The following PHF21B variants were observed in gnomAD, a reference collection of about 807,000 sequenced individuals.
The protein encoded by PHF21B is PHD finger protein 4.
A neutral mutation model predicts 62.2 loss-of-function variants in PHF21B; 22 were observed. The observed-to-expected ratio is 0.35, with a 90% CI of 0.25 to 0.51. The LOEUF is 0.51. Ranked by LOEUF, PHF21B falls within the 20% of genes least tolerant of loss-of-function variation. The pLI is 0.97. For synonymous variants in PHF21B, 341 were observed against 314.7 expected (o/e 1.08, Z -0.88); for missense variants, 701 against 707.9 (o/e 0.99, Z 0.11).
chr22:44,957,020 G>A (rs2072312600), intron 2 of PHF21B, among the ~76,000 whole-genome samples: 1 of 152,130 alleles, frequency 6.6e-6, no homozygotes, highest in South Asian at 2.1e-4. Flanking sequence ...CCCTCCTGCT[G>A]GTGGTGGGAG....
chr22:44,897,927 G>C (rs535809956), intron 5 of PHF21B, among the ~76,000 whole-genome samples: 2 of 152,218 alleles, frequency 1.3e-5, no homozygotes, highest in Admixed American at 6.5e-5. Context: ...TCCTGCCTCA[G>C]CCTCCCAAGT....
Position 44,916,433 on chromosome 22 carries a change from G to T in PHF21B, c.411C>A (p.Ala137=). 1 of 1,597,782 alleles carries T rather than the reference G, an allele frequency of 6.3e-7. No homozygotes were observed. The change falls in exon 4 of 13, where the codon GCC becomes GCA. Residue 137 remains alanine (A), a synonymous_variant. Coordinates refer to ENST00000313237, the MANE Select transcript of PHF21B (RefSeq NM_138415.5). ...GSQPQALAEP[A]ALASPLSSAG... is the part of the protein sequence containing the mutation. ...CACTGCTCAGCGGAGAGGCGAGGGC[G>T]GCGGGCTCGGCGAGGGCCTGGGGCT...
intron 2 of PHF21B, among the ~76,000 whole-genome samples, chr22:44,958,122 C>T (rs1436522535): frequency 6.6e-6 from 1 of 152,118 alleles, no homozygotes; most frequent in African/African-American, 2.4e-5. Context: ...AGGCTGGTCT[C>T]GAACTCCCGA....
At chr22:44,911,228 A>C (rs2071338628) in intron 5 of PHF21B, among the ~76,000 whole-genome samples, 1 of 152,230 alleles carries the variant, frequency 6.6e-6, no homozygotes, top group Non-Finnish European at 1.5e-5. Flanking sequence ...AAAAGTTCAG[A>C]AAATGTGCAG....
chr22:44,893,347 C>G, intron 7 of PHF21B, 110 bp downstream of exon 7: 1 of 1,019,856 alleles, frequency 9.8e-7, no homozygotes, highest in South Asian at 1.5e-5. Context: ...GAGGGACAGA[C>G]GAGGGGGGTG....
chr22:44,901,860 G>T, intron 5 of PHF21B: 1 of 263,422 alleles, frequency 3.8e-6, no homozygotes, highest in East Asian at 8.0e-5. Context: ...GTTACAAACA[G>T]TTGGTGGTGA....
chr22:44,885,338 G>A (rs2070837290), intron 12 of PHF21B, 88 bp downstream of exon 12: 5 of 1,266,770 alleles, frequency 3.9e-6, no homozygotes, highest in African/African-American at 1.5e-5. Context: ...ATCTACACCT[G>A]TGGTTCTAAG....
chr22:44,992,349 A>G (rs962497077), intron 2 of PHF21B, among the ~76,000 whole-genome samples: 1 of 152,226 alleles, frequency 6.6e-6, no homozygotes, highest in Non-Finnish European at 1.5e-5. Context: ...GCCGCACCGC[A>G]GCGTGGACGC....
In PHF21B at chr22:44,883,280, G is replaced by T. The variant is rs1255626917; in HGVS notation, c.1402C>A (p.Leu468Met). 6.2e-7 allele frequency: 1 copy of T among 1,613,834 alleles called. No individual in the cohort carries two copies. ...TGGGTGCCCCTCTGGCGGGCCAGCA[G>T]GCTTGTCTTCAACTCCAGGCATTTC... The part of the protein sequence containing the change: ...VQKCLELKTS[L>M]LARQRGTQSS... The change falls in exon 13 of 13, where the codon CTG becomes ATG. Residue 468 changes from leucine to methionine, a missense_variant. Coordinates refer to ENST00000313237, the MANE Select transcript of PHF21B (RefSeq NM_138415.5).
At chr22:44,980,538 G>C (rs980313198) in intron 2 of PHF21B, among the ~76,000 whole-genome samples, 1 of 152,164 alleles carries the variant, frequency 6.6e-6, no homozygotes, top group Non-Finnish European at 1.5e-5. Flanking sequence ...CAGTGAAGGG[G>C]GTCTGGAGGA....
chr22:44,883,245 C>T lies in PHF21B; in HGVS notation c.1437G>A (p.Leu479=). The change falls in exon 13 of 13, where the codon CTG becomes CTA. Residue 479 remains leucine, a synonymous_variant. Coordinates refer to ENST00000313237, the MANE Select transcript of PHF21B (RefSeq NM_138415.5). ...LARQRGTQSS[L]DRLRALLRLI... The stretch of plus-strand genomic sequence containing the variant: ...GTCTCAGGAGGGCCCGCAGGCGGTC[C>T]AGGGATGACTGGGTGCCCCTCTGGC... 5.6e-6 allele frequency: 9 copies of T among 1,613,972 alleles called. No individual in the cohort carries two copies. Among genetic ancestry groups the T allele is most frequent in the Non-Finnish European group, 7.6e-6 (9 of 1,179,982 alleles).
chr22:44,930,504 G>A (rs1348773927), intron 2 of PHF21B, among the ~76,000 whole-genome samples: 4 of 151,208 alleles, frequency 2.6e-5, no homozygotes, highest in South Asian at 2.1e-4. Context: ...AAGCTGGACC[G>A]GAATGTTACC....
chr22:45,003,247 C>T (rs895189583), intron 2 of PHF21B: 4 of 152,356 alleles, frequency 2.6e-5, no homozygotes, highest in Non-Finnish European at 4.4e-5. Flanking sequence ...CACACCATCA[C>T]TGCCCTGGGA....
intron 2 of PHF21B, chr22:44,971,244 T>C (rs927783419): frequency 6.6e-6 from 1 of 152,250 alleles, no homozygotes; most frequent in East Asian, 1.9e-4. Flanking sequence ...GGCGTGGCTA[T>C]GAAGCCTGTT....
intron 2 of PHF21B, among the ~76,000 whole-genome samples, chr22:44,921,690 G>A (rs190461681): frequency 5.5e-5 from 8 of 145,472 alleles, no homozygotes; most frequent in South Asian, 2.2e-4. Flanking sequence ...ATGGAGACTC[G>A]CTCTGTTGCC....
At chr22:44,942,794 C>T (rs766637639) in intron 2 of PHF21B, among the ~76,000 whole-genome samples, 19 of 152,130 alleles carry the variant, frequency 1.2e-4, no homozygotes, top group Non-Finnish European at 2.6e-4. Flanking sequence ...ACACCCGGGA[C>T]GGGGGTGCAG....
chr22:44,907,442 G>A (rs1467371491), intron 5 of PHF21B, among the ~76,000 whole-genome samples: 2 of 152,190 alleles, frequency 1.3e-5, no homozygotes, highest in Non-Finnish European at 2.9e-5. Flanking sequence ...CAGGCCAGCC[G>A]TGTTCAGCGT....
intron 2 of PHF21B, among the ~76,000 whole-genome samples, chr22:44,929,524 G>A (rs1361073788): frequency 6.6e-6 from 1 of 152,214 alleles, no homozygotes; most frequent in Admixed American, 6.5e-5. Flanking sequence ...CATGCCCGGT[G>A]CACCTGCAAC....
Position 44,885,626 on chromosome 22 carries a change from T to C in PHF21B, c.1274-97A>G, listed in dbSNP as rs112440575. 4.0e-5 allele frequency: 50 copies of C among 1,245,744 alleles called. 1 individual carries two copies. The East Asian group carries it at 1.3e-3, about 32-fold the overall frequency. The allele number at this position is 1,245,744 out of a possible 1,614,324, so 77.2% of individuals were successfully genotyped here. A position where few individuals can be genotyped will look rare whatever the true frequency, so the allele number is the denominator to read the frequency against. On this transcript the variant is annotated intron_variant, in intron 11 of 12. Transcript: ENST00000313237. ...AGGCAGAAGGGATGAAACCAAGGCC[T>C]AGGACATCCCCCTGAAGAAGCCAGT...
Sources: allele counts gnomAD v4.1 joint callset (sites outside exome capture counted in the v4.1 genomes callset), GRCh38; gene constraint gnomAD v4.1.1; transcripts MANE v1.5; gene names NCBI Gene and HGNC (gene_info 2026-07-23, HGNC 2026-07-21).